FRAS1: variants seen among roughly 807,000 people sequenced by gnomAD.
FRAS1 encodes extracellular matrix organizing protein FRAS1.
A neutral mutation model predicts 435.2 loss-of-function variants in FRAS1; 290 were observed. The ratio of observed to expected loss-of-function variants is 0.67; its 90% confidence interval spans 0.61 to 0.73. The LOEUF (loss-of-function observed/expected upper bound fraction) is 0.73. Ranked by LOEUF, FRAS1 falls within the 30% of genes least tolerant of loss-of-function variation. The pLI, the probability that FRAS1 is intolerant of heterozygous loss-of-function variation, is 0.00. For missense variants in FRAS1, 4,860 were observed against 5,001.5 expected (o/e 0.97, Z 0.85); for synonymous variants, 1,800 against 1,851.0 (o/e 0.97, Z 0.71).
intron 9 of FRAS1, among the ~76,000 whole-genome samples, chr4:78,273,523 AG>A (rs1425251575): frequency 1.3e-5 from 2 of 152,206 alleles, no homozygotes; most frequent in Non-Finnish European, 2.9e-5. Flanking sequence ...TTTAGCATGA[AG>A]GGCTGTTGAA....
At chr4:78,368,618 A>G (rs917274216) in intron 22 of FRAS1, among the ~76,000 whole-genome samples, 1 of 152,226 alleles carries the variant, frequency 6.6e-6, no homozygotes, top group African/African-American at 2.4e-5. Context: ...ATTTGCTTTC[A>G]TGAAGTTTGC....
chr4:78,432,799 G>A (rs1000522819), intron 38 of FRAS1, among the ~76,000 whole-genome samples, 195 bp downstream of exon 38: 4 of 152,190 alleles, frequency 2.6e-5, no homozygotes, highest in African/African-American at 9.7e-5. Flanking sequence ...TGTCTCATGA[G>A]CAGACAAGTG....
chr4:78,333,888 C>T (rs190843413), intron 19 of FRAS1, among the ~76,000 whole-genome samples: 110 of 152,114 alleles, frequency 7.2e-4, no homozygotes, highest in Non-Finnish European at 1.0e-3. Context: ...AACCTCACCT[C>T]GGCCTCCTGG....
rs181778337 is a variant in FRAS1, at chr4:78,181,223, A to C, written c.109-56287A>C. On this transcript the variant is annotated intron_variant, in intron 2 of 73. Coordinates refer to ENST00000512123, the MANE Select transcript of FRAS1 (RefSeq NM_025074.7). ...ATTTTGAATAGCCTTCCACTCATCC[A>C]AAGTCATCTCTTTTGGACCCTCCTC... is the stretch of plus-strand genomic sequence containing the variant. 9.5e-4 allele frequency: 1,528 copies of C among 1,609,920 alleles called. 30 individuals are homozygous for C. In the Admixed American group the frequency reaches 0.024, roughly 25 times the overall value.
chr4:78,232,449 C>T (rs956138828), intron 2 of FRAS1, among the ~76,000 whole-genome samples: 5 of 152,008 alleles, frequency 3.3e-5, no homozygotes, highest in African/African-American at 1.2e-4. Flanking sequence ...CCATGCCCAG[C>T]TAATTTTTTG....
At chr4:78,427,862 A>C (rs1734055405) in intron 35 of FRAS1, among the ~76,000 whole-genome samples, 1 of 152,388 alleles carries the variant, frequency 6.6e-6, no homozygotes, top group African/African-American at 2.4e-5. Context: ...GTCGCTGAGC[A>C]ATGCTTGACT....
intron 59 of FRAS1, among the ~76,000 whole-genome samples, chr4:78,495,830 T>C (rs1393262455): frequency 1.3e-5 from 2 of 152,070 alleles, no homozygotes; most frequent in Admixed American, 6.6e-5. Flanking sequence ...TTTTTTAAGA[T>C]CTAAAAAGTC....
At chr4:78,377,868 C>T (rs1731841087) in intron 26 of FRAS1, among the ~76,000 whole-genome samples, 2 of 151,178 alleles carry the variant, frequency 1.3e-5, no homozygotes, top group African/African-American at 4.9e-5. Context: ...GCAGTGGAGC[C>T]CAACTGTCAG....
At chr4:78,342,997 T>G (rs952792091) in intron 20 of FRAS1, among the ~76,000 whole-genome samples, 1 of 152,236 alleles carries the variant, frequency 6.6e-6, no homozygotes, top group Non-Finnish European at 1.5e-5. Flanking sequence ...AAATATACTT[T>G]GAGTATTTTC....
intron 65 of FRAS1, among the ~76,000 whole-genome samples, chr4:78,515,556 C>T (rs17429963): frequency 0.14 from 21,304 of 152,070 alleles, 1,789 homozygotes; most frequent in Non-Finnish European, 0.2. Context: ...ACCTTTTCCT[C>T]CCTGGTTCCT....
At chr4:78,406,633 G>T (rs1016837947) in intron 30 of FRAS1, among the ~76,000 whole-genome samples, 4 of 152,124 alleles carry the variant, frequency 2.6e-5, no homozygotes, top group African/African-American at 9.7e-5. Flanking sequence ...AATTCAAGTT[G>T]AGATTTGGGT....
At chr4:78,407,531 T>C in intron 30 of FRAS1, 132 bp from the exon 31 acceptor site, 3 of 678,204 alleles carry the variant, frequency 4.4e-6, no homozygotes, top group South Asian at 2.5e-5. Flanking sequence ...CATCCTCTCC[T>C]TCACCTTAGA....
At chr4:78,221,449 A>G (rs1454779402) in intron 2 of FRAS1, among the ~76,000 whole-genome samples, 2 of 152,214 alleles carry the variant, frequency 1.3e-5, no homozygotes, top group African/African-American at 4.8e-5. Context: ...AAATTTGCAT[A>G]TGTTCTGTCT....
intron 30 of FRAS1, among the ~76,000 whole-genome samples, chr4:78,407,109 T>C (rs904169723): frequency 6.6e-6 from 1 of 152,262 alleles, no homozygotes; most frequent in African/African-American, 2.4e-5. Context: ...TCTCATTATG[T>C]ATATGCAAAT....
At chr4:78,315,411 A>G (rs1427272587) in intron 15 of FRAS1, among the ~76,000 whole-genome samples, 183 bp from the exon 16 acceptor site, 1 of 152,164 alleles carries the variant, frequency 6.6e-6, no homozygotes, top group Non-Finnish European at 1.5e-5. Flanking sequence ...TTCTCTTTCA[A>G]CTGTGAAAAC....
intron 14 of FRAS1, among the ~76,000 whole-genome samples, chr4:78,287,640 T>A (rs1007376804): frequency 5.3e-5 from 8 of 152,166 alleles, no homozygotes; most frequent in African/African-American, 1.9e-4. Flanking sequence ...AGACTTTCAG[T>A]AAAATCATTT....
In FRAS1 at chr4:78,448,265, G is replaced by A; in HGVS notation, c.6223G>A (p.Ala2075Thr). Reference sequence around the variant, plus strand: ...GATGAAGATCTACACAGAACTGCCTGCAAGTGACACACCTCACTTGGCTAT... The same window carrying A: ...GATGAAGATCTACACAGAACTGCCTACAAGTGACACACCTCACTTGGCTAT... Reference protein sequence around the residue: ...GRMKIYTELPASDTPHLAINQ... With the variant: ...GRMKIYTELPTSDTPHLAINQ... Residue 2075 changes from alanine (A) to threonine (T), a missense_variant, in exon 44 of 74, where the codon GCA becomes ACA. Ala to Thr is a moderately conservative substitution (Grantham distance 58). Transcript: ENST00000512123. 1 of 1,612,502 alleles carries A rather than the reference G, an allele frequency of 6.2e-7. No individual in the cohort carries two copies. Among genetic ancestry groups the A allele is most frequent in the African/African-American group, 1.3e-5 (1 of 75,000 alleles).
intron 2 of FRAS1, among the ~76,000 whole-genome samples, chr4:78,072,520 C>T (rs982609963): frequency 1.3e-5 from 2 of 152,268 alleles, no homozygotes; most frequent in Middle Eastern, 3.4e-3. Context: ...GCTGTTGAAA[C>T]ATCTTGAACT....
intron 8 of FRAS1, 91 bp from the exon 9 acceptor site, chr4:78,267,150 G>A (rs926141230): frequency 3.1e-6 from 4 of 1,299,492 alleles, no homozygotes; most frequent in African/African-American, 2.9e-5. Context: ...GCCATGTAGA[G>A]CTTTGGTATT....
Sources: allele counts gnomAD v4.1 joint callset (sites outside exome capture counted in the v4.1 genomes callset), GRCh38; gene constraint gnomAD v4.1.1; transcripts MANE v1.5; gene names NCBI Gene and HGNC (gene_info 2026-07-23, HGNC 2026-07-21).